BACH2: variants seen among roughly 807,000 people sequenced by gnomAD.
BACH2 encodes the protein transcription regulator protein BACH2.
A neutral mutation model predicts 61.8 loss-of-function variants in BACH2; 5 were observed. That is an observed-to-expected ratio of 0.08 (90% CI 0.04 to 0.17). BACH2 has a LOEUF of 0.17. BACH2 is among the 10% of genes least tolerant of loss of function. The pLI is 1.00. For missense variants in BACH2, 824 were observed against 1,091.1 expected (o/e 0.76, Z 3.45); for synonymous variants, 446 against 440.1 (o/e 1.01, Z -0.17).
chr6:90,128,042 C>A (rs1783930824), intron 4 of BACH2, among the ~76,000 whole-genome samples: 1 of 152,092 alleles, frequency 6.6e-6, no homozygotes, highest in Non-Finnish European at 1.5e-5. Flanking sequence ...GCCCCCCCAT[C>A]TCCATTTCCC....
chr6:90,086,705 C>G (rs1781947360), intron 5 of BACH2, among the ~76,000 whole-genome samples: 1 of 152,184 alleles, frequency 6.6e-6, no homozygotes, highest in Non-Finnish European at 1.5e-5. Flanking sequence ...AGGAAACTGA[C>G]TGACAGCAAA....
intron 6 of BACH2, among the ~76,000 whole-genome samples, chr6:89,953,783 A>C (rs1412015183): frequency 1.3e-5 from 2 of 152,202 alleles, no homozygotes; most frequent in Non-Finnish European, 2.9e-5. Flanking sequence ...GTGTTGTCTC[A>C]AGTTACTTTT....
chr6:89,990,640 G>T (rs570394647), intron 6 of BACH2, among the ~76,000 whole-genome samples: 2 of 139,620 alleles, frequency 1.4e-5, no homozygotes, highest in Non-Finnish European at 3.1e-5. Flanking sequence ...CACCCCCACC[G>T]ACCCCTCCAA....
intron 5 of BACH2, among the ~76,000 whole-genome samples, chr6:90,067,213 G>A (rs530883892): frequency 1.4e-4 from 21 of 152,252 alleles, no homozygotes; most frequent in African/African-American, 5.1e-4. Context: ...GGGGAAGGTC[G>A]TTCCAGGAAA....
intron 4 of BACH2, among the ~76,000 whole-genome samples, chr6:90,167,782 C>T (rs919782020): frequency 6.6e-6 from 1 of 152,170 alleles, no homozygotes; most frequent in Non-Finnish European, 1.5e-5. Flanking sequence ...GAGAAACATG[C>T]TTGGCCAGTT....
intron 1 of BACH2, among the ~76,000 whole-genome samples, chr6:90,291,591 T>A (rs1023797878): frequency 1.3e-4 from 20 of 149,924 alleles, no homozygotes; most frequent in African/African-American, 4.6e-4. Flanking sequence ...TCTTTTTTTT[T>A]TAAATTAAAT....
At chr6:90,230,010 G>A (rs1273219914) in intron 3 of BACH2, among the ~76,000 whole-genome samples, 1 of 152,068 alleles carries the variant, frequency 6.6e-6, no homozygotes, top group Non-Finnish European at 1.5e-5. Flanking sequence ...AGCAAACCTG[G>A]GTCTGGGACG....
At chr6:90,029,066 T>C (rs1160907515) in intron 5 of BACH2, among the ~76,000 whole-genome samples, 1 of 152,230 alleles carries the variant, frequency 6.6e-6, no homozygotes. Context: ...TTGCCTTTTC[T>C]TCACGTAAGT....
rs140774687 is a variant in BACH2, at chr6:90,111,176, A to G, written c.-161-22067T>C. On this transcript the variant is annotated intron_variant, in intron 4 of 8. Transcript: ENST00000257749. ...AATAGTTTTAACCTTGCATTCCCTG[A>G]TAAGATCTTGCGGGCCCCCAGGAAC... 6.0e-4 allele frequency among the ~76,000 whole-genome samples: 92 copies of G among 152,282 alleles called. 2 individuals carry two copies. In the East Asian group the frequency reaches 0.012, roughly 19 times the overall value.
intron 4 of BACH2, among the ~76,000 whole-genome samples, chr6:90,102,634 C>G (rs1782690593): frequency 6.6e-6 from 1 of 151,684 alleles, no homozygotes; most frequent in Admixed American, 6.6e-5. Flanking sequence ...ACTAAAAATA[C>G]AAACAATTAG....
At chr6:90,133,979 G>A (rs574830059) in intron 4 of BACH2, among the ~76,000 whole-genome samples, 1 of 152,182 alleles carries the variant, frequency 6.6e-6, no homozygotes, top group Non-Finnish European at 1.5e-5. Flanking sequence ...CTTTGCTATT[G>A]TGAATAGTGC....
In BACH2 at chr6:90,001,023, G is replaced by A. The variant is rs142522068; in HGVS notation, c.243+7579C>T. Among the ~76,000 whole-genome samples, 14 of 152,282 alleles carry A rather than the reference G, an allele frequency of 9.2e-5. No homozygotes were observed. The East Asian group carries it at 2.7e-3, about 29-fold the overall frequency. On this transcript the variant is annotated intron_variant, in intron 6 of 8. Transcript: ENST00000257749. ...AGGAAGCTAGCCAAGTTCAAGGACT[G>A]TAAACCTGTGTGACATAGGCTAGGA...
intron 5 of BACH2, among the ~76,000 whole-genome samples, chr6:90,028,540 G>A (rs567748393): frequency 5.3e-5 from 8 of 152,244 alleles, no homozygotes; most frequent in Admixed American, 2.0e-4. Flanking sequence ...TCAGGCTCTG[G>A]GGCCAGCCTG....
intron 2 of BACH2, among the ~76,000 whole-genome samples, chr6:90,257,837 G>A (rs1240718886): frequency 1.3e-5 from 2 of 152,008 alleles, no homozygotes; most frequent in Non-Finnish European, 1.5e-5. Context: ...GTGCAGTGGC[G>A]CCATCTCGGC....
chr6:90,149,840 C>G (rs932934046), intron 4 of BACH2, among the ~76,000 whole-genome samples: 2 of 152,190 alleles, frequency 1.3e-5, no homozygotes, highest in Non-Finnish European at 2.9e-5. Context: ...TTAGCATTAA[C>G]AGTGAGCTGC....
chr6:90,235,750 T>G (rs575539649), intron 3 of BACH2, among the ~76,000 whole-genome samples: 1 of 152,308 alleles, frequency 6.6e-6, no homozygotes, highest in East Asian at 1.9e-4. Context: ...TTAGAGACAA[T>G]TAGAAAGGAT....
At chr6:90,057,955 G>T (rs1334473942) in intron 5 of BACH2, among the ~76,000 whole-genome samples, 1 of 152,024 alleles carries the variant, frequency 6.6e-6, no homozygotes, top group African/African-American at 2.4e-5. Context: ...ATAAATTAGG[G>T]ATTGATGGGA....
intron 1 of BACH2, among the ~76,000 whole-genome samples, chr6:90,285,135 C>A (rs974657299): frequency 6.6e-6 from 1 of 152,130 alleles, no homozygotes; most frequent in South Asian, 2.1e-4. Flanking sequence ...TCACACTTTC[C>A]GATGAAAATA....
At chr6:90,043,397 C>G (rs1479673690) in intron 5 of BACH2, among the ~76,000 whole-genome samples, 1 of 152,054 alleles carries the variant, frequency 6.6e-6, no homozygotes, top group African/African-American at 2.4e-5. Context: ...CTCATAACCT[C>G]CCTCACCATG....
Sources: gnomAD v4.1 joint callset for allele counts (sites outside exome capture counted in the v4.1 genomes callset) on GRCh38, gnomAD v4.1.1 for gene constraint, MANE v1.5 for transcripts, NCBI Gene and HGNC (gene_info 2026-07-23, HGNC 2026-07-21) for gene names.